The following ACTA2 variants were observed in gnomAD, a reference collection of about 807,000 sequenced individuals.
The protein encoded by ACTA2 is actin alpha 2, smooth muscle.
Under a neutral mutation model 39.5 loss-of-function variants are expected in ACTA2, and 12 were observed. That is an observed-to-expected ratio of 0.30 (90% confidence interval 0.19 to 0.49). The LOEUF is 0.49. Among genes scored for constraint, ACTA2 ranks in the 20% least tolerant of loss-of-function variants. The pLI is 0.99. For synonymous variants in ACTA2, 158 were observed against 180.6 expected, an observed-to-expected ratio of 0.88 and a Z score of 1.00; for missense variants, 236 against 498.8, an observed-to-expected ratio of 0.47 and a Z score of 5.02.
At chr10:88,945,058 A>G (rs1024726885) in intron 3 of ACTA2, among the ~76,000 whole-genome samples, 1 of 152,224 alleles carries the variant, frequency 6.6e-6, no homozygotes, top group Admixed American at 6.5e-5. Context: ...AAAGCAGCAG[A>G]CTGCTCAAAA....
intron 1 of ACTA2, among the ~76,000 whole-genome samples, chr10:88,968,226 C>T (rs1362261430): frequency 2.6e-5 from 4 of 152,112 alleles, no homozygotes; most frequent in African/African-American, 9.7e-5. Flanking sequence ...CTCATTTATC[C>T]AGAATATTTG....
At chr10:88,962,971 ATATAT>A (rs1846259532) in intron 1 of ACTA2, among the ~76,000 whole-genome samples, 12 of 48,858 alleles carry the variant, frequency 2.5e-4, no homozygotes, top group Non-Finnish European at 3.7e-4. Context: ...ATATATATAT[ATATAT>A]AATATTTTTT....
In ACTA2 at chr10:88,982,059, T is replaced by C. The variant is rs147509588; in HGVS notation, c.-24+8880A>G. Among the ~76,000 whole-genome samples the C allele has an allele frequency of 7.6e-3, 1,156 of 152,336 alleles. 9 individuals are homozygous for C. The highest frequency in any genetic ancestry group is 0.026 in the African/African-American group (1,092 of 41,580). On this transcript the variant is annotated intron_variant, in intron 1 of 4. Coordinates refer to the ACTA2 transcript ENST00000415557. ...ATAGTGAGTGCTTGATTAACTGGTA[T>C]GTGTTAGTTCAAGAAGGCAGTATGT...
At chr10:88,958,363 T>C (rs1846171730) in intron 1 of ACTA2, among the ~76,000 whole-genome samples, 1 of 152,232 alleles carries the variant, frequency 6.6e-6, no homozygotes, top group Non-Finnish European at 1.5e-5. Context: ...ATGAGCTATT[T>C]GCTCTACATA....
chr10:88,947,695 A>G (rs1471957113), intron 2 of ACTA2, among the ~76,000 whole-genome samples: 7 of 152,200 alleles, frequency 4.6e-5, no homozygotes. Flanking sequence ...GTCCATCACT[A>G]TAGCAAATTG....
intron 1 of ACTA2, among the ~76,000 whole-genome samples, chr10:88,986,319 C>G (rs964226052): frequency 6.6e-6 from 1 of 152,126 alleles, no homozygotes; most frequent in Admixed American, 6.5e-5. Flanking sequence ...TTTCAGGGGA[C>G]CACCATATGC....
intron 1 of ACTA2, among the ~76,000 whole-genome samples, chr10:88,962,955 ATATATATATATATATATATAT>A (rs1846257406): frequency 1.9e-4 from 5 of 26,408 alleles, no homozygotes; most frequent in African/African-American, 1.6e-3. Flanking sequence ...ATATATATAT[ATATATATATATATATATATAT>A]AATATTTTTT....
At chr10:88,960,678 A>C (rs754707240) in intron 1 of ACTA2, among the ~76,000 whole-genome samples, 3 of 123,202 alleles carry the variant, frequency 2.4e-5, no homozygotes, top group African/African-American at 5.6e-5. Context: ...ACCATGACCC[A>C]TTGGCATGTA....
rs1354979261 is a variant in ACTA2, at chr10:88,939,621, C to T, written c.694G>A (p.Ala232Thr). The change falls in exon 7 of 9, where the codon GCC becomes ACC. Residue 232 changes from alanine (A) to threonine (T), a missense_variant. Transcript: ENST00000224784. ...TTCTCAAGGGAGGATGAGGATGCGG[C>T]AGTGGCCATCTCATTTTCAAAGTCC... Reference protein sequence around the residue: ...ALDFENEMATAASSSSLEKSY... With the variant: ...ALDFENEMATTASSSSLEKSY... The T allele has an allele frequency of 6.2e-7, 1 of 1,613,980 alleles. No homozygotes were observed. Among genetic ancestry groups the T allele is most frequent in the African/African-American group, 1.3e-5 (1 of 74,934 alleles).
intron 5 of ACTA2, among the ~76,000 whole-genome samples, 175 bp downstream of exon 5, chr10:88,941,610 A>G (rs1845854208): frequency 6.6e-6 from 1 of 152,216 alleles, no homozygotes; most frequent in African/African-American, 2.4e-5. Flanking sequence ...AAGTTCTGCT[A>G]GAAATATGAG....
rs1445850454 is a variant in ACTA2, at chr10:88,948,841, C to A, written c.90G>T (p.Arg30Ser). The A allele has an allele frequency of 6.2e-7, 1 of 1,613,864 alleles. No individual in the cohort carries two copies. The highest frequency in any genetic ancestry group is 2.2e-5 in the East Asian group (1 of 44,874). ...KAGFAGDDAP[R>S]AVFPSIVGRP... ...GTCCCACAATGGATGGGAAAACAGC[C>A]CTGGGAGCATCGTCCCCAGCAAAGC... is the stretch of plus-strand genomic sequence containing the variant. Residue 30 changes from arginine (R) to serine (S), a missense_variant, in exon 2 of 9, where the codon AGG becomes AGT. Transcript: ENST00000224784.
chr10:88,940,975 T>TA (rs1045134768), intron 6 of ACTA2: 18 of 443,336 alleles, frequency 4.1e-5, no homozygotes, highest in African/African-American at 3.2e-4. Flanking sequence ...TGGAGGGGAT[T>TA]AAAAAAAGAT....
At chr10:88,986,834 C>T (rs1846906592) in intron 1 of ACTA2, among the ~76,000 whole-genome samples, 1 of 152,136 alleles carries the variant, frequency 6.6e-6, no homozygotes, top group African/African-American at 2.4e-5. Flanking sequence ...TTTTTTTCAT[C>T]TGAACTGTGA....
chr10:88,962,728 C>T (rs1264208058), intron 1 of ACTA2, among the ~76,000 whole-genome samples: 1 of 151,626 alleles, frequency 6.6e-6, no homozygotes, highest in Non-Finnish European at 1.5e-5. Flanking sequence ...AAGTGTATTA[C>T]TCTGTTCTCA....
chr10:88,988,093 G>A lies in ACTA2; in HGVS notation c.-24+2846C>T, dbSNP rs779184902. Among the ~76,000 whole-genome samples, 36 of 152,286 alleles carry A rather than the reference G, an allele frequency of 2.4e-4. No individual in the cohort carries two copies. The Middle Eastern group carries it at 0.014, about 58-fold the overall frequency. On this transcript the variant is annotated intron_variant, in intron 1 of 4. Coordinates refer to the ACTA2 transcript ENST00000415557. ...GACTTGCCAGCCTCTACAATCACGT[G>A]AGCCAACTCCTATCTATCTTTCCAT...
At chr10:88,962,138 G>A (rs1846235055) in intron 1 of ACTA2, among the ~76,000 whole-genome samples, 1 of 152,176 alleles carries the variant, frequency 6.6e-6, no homozygotes, top group African/African-American at 2.4e-5. Context: ...AGCCCCATCT[G>A]TTGTTGTAAT....
chr10:88,953,446 C>T (rs990883863), upstream of ACTA2, among the ~76,000 whole-genome samples: 1 of 152,144 alleles, frequency 6.6e-6, no homozygotes, highest in Non-Finnish European at 1.5e-5. Flanking sequence ...GCTTTGTCTA[C>T]TAATTTGTCA....
At chr10:88,945,368 T>A (rs1845926545) in intron 3 of ACTA2, among the ~76,000 whole-genome samples, 1 of 152,386 alleles carries the variant, frequency 6.6e-6, no homozygotes, top group East Asian at 1.9e-4. Flanking sequence ...TTACTGCTGA[T>A]AAATTCTAAC....
intron 1 of ACTA2, among the ~76,000 whole-genome samples, chr10:88,982,570 T>A (rs762661912): frequency 6.6e-5 from 10 of 152,210 alleles, no homozygotes; most frequent in Non-Finnish European, 1.5e-4. Context: ...GGTCACATTA[T>A]CCTGATTGGC....
Sources: gnomAD v4.1 joint callset for allele counts (sites outside exome capture counted in the v4.1 genomes callset) on GRCh38, gnomAD v4.1.1 for gene constraint, MANE v1.5 for transcripts, NCBI Gene and HGNC (gene_info 2026-07-23, HGNC 2026-07-21) for gene names.